The following B3GALT1 variants were observed in gnomAD, a reference collection of about 807,000 sequenced individuals.
B3GALT1 encodes the protein beta-1,3-galactosyltransferase 1, also known as UDP-Gal:betaGlcNAc beta 1,3-galactosyltransferase, polypeptide 1.
Under a neutral mutation model 23.2 loss-of-function variants are expected in B3GALT1, and 10 were observed. That is an observed-to-expected ratio of 0.43 (90% CI 0.27 to 0.73). The LOEUF is 0.73. Ranked by LOEUF, B3GALT1 falls within the 30% of genes least tolerant of loss-of-function variation. The pLI is 0.21. For synonymous variants in B3GALT1, 156 were observed against 141.5 expected, an observed-to-expected ratio of 1.10 and a Z score of -0.73; for missense variants, 299 against 405.4, an observed-to-expected ratio of 0.74 and a Z score of 2.25.
At chr2:167,633,241 T>G (rs1685482663) in intron 2 of B3GALT1, among the ~76,000 whole-genome samples, 1 of 151,890 alleles carries the variant, frequency 6.6e-6, no homozygotes, top group African/African-American at 2.4e-5. Context: ...ATTGTCAGAT[T>G]CACTGAGGTT....
chr2:167,381,053 C>A (rs73021710), intron 1 of B3GALT1, among the ~76,000 whole-genome samples: 3,086 of 152,120 alleles, frequency 0.02, 110 homozygotes, highest in African/African-American at 0.071. Context: ...AACAAAATAA[C>A]ACTTCTGGGT....
chr2:167,622,416 A>G (rs972204949), intron 2 of B3GALT1, among the ~76,000 whole-genome samples: 2 of 152,136 alleles, frequency 1.3e-5, no homozygotes, highest in African/African-American at 4.8e-5. Context: ...CAGTTTAAGC[A>G]TGAGGACAAA....
At chr2:167,696,920 T>C (rs537803213) in intron 3 of B3GALT1, among the ~76,000 whole-genome samples, 1 of 152,276 alleles carries the variant, frequency 6.6e-6, no homozygotes, top group African/African-American at 2.4e-5. Flanking sequence ...AAAACAGGTA[T>C]AGTGATTCCT....
chr2:167,752,354 T>G (rs578100782), intron 3 of B3GALT1, among the ~76,000 whole-genome samples: 9 of 152,320 alleles, frequency 5.9e-5, no homozygotes, highest in African/African-American at 2.2e-4. Context: ...GGAATTGCAG[T>G]GTACTTACAA....
intron 1 of B3GALT1, among the ~76,000 whole-genome samples, chr2:167,358,140 G>C (rs1697444003): frequency 6.6e-6 from 1 of 152,138 alleles, no homozygotes; most frequent in African/African-American, 2.4e-5. Flanking sequence ...TTAATTCTTG[G>C]AACCAGAGTT....
At chr2:167,662,944 T>TA (rs1279587068) in intron 3 of B3GALT1, among the ~76,000 whole-genome samples, 3 of 151,026 alleles carry the variant, frequency 2.0e-5, no homozygotes, top group Non-Finnish European at 4.4e-5. Flanking sequence ...TCTTTTTTTT[T>TA]ATTGTATTTT....
At chr2:167,364,971 G>T (rs1478385) in intron 1 of B3GALT1, among the ~76,000 whole-genome samples, 1 of 152,076 alleles carries the variant, frequency 6.6e-6, no homozygotes, top group Non-Finnish European at 1.5e-5. Flanking sequence ...ATGATTTATT[G>T]GTAGGTGGAC....
intron 2 of B3GALT1, among the ~76,000 whole-genome samples, chr2:167,568,382 C>T (rs933713361): frequency 2.0e-5 from 3 of 152,140 alleles, no homozygotes; most frequent in South Asian, 4.1e-4. Context: ...CTTATTGCTC[C>T]ATATCCTCAT....
At chr2:167,347,308 T>C (rs1697235631) in intron 1 of B3GALT1, among the ~76,000 whole-genome samples, 1 of 152,200 alleles carries the variant, frequency 6.6e-6, no homozygotes, top group African/African-American at 2.4e-5. Flanking sequence ...CCACTTGCAC[T>C]AGCTTAGAGC....
chr2:167,310,930 TG>T (rs1315392229), intron 1 of B3GALT1, among the ~76,000 whole-genome samples: 1 of 152,094 alleles, frequency 6.6e-6, no homozygotes, highest in African/African-American at 2.4e-5. Context: ...ATAAGGACAG[TG>T]GCAGAAACTA....
At chr2:167,387,411 C>T (rs1276324069) in intron 1 of B3GALT1, among the ~76,000 whole-genome samples, 5 of 151,976 alleles carry the variant, frequency 3.3e-5, no homozygotes, top group Admixed American at 1.3e-4. Context: ...GTAGAGGAGG[C>T]GATATGTTAT....
At chr2:167,792,149 G>C (rs566281320) in intron 3 of B3GALT1, among the ~76,000 whole-genome samples, 2 of 152,124 alleles carry the variant, frequency 1.3e-5, no homozygotes, top group East Asian at 3.9e-4. Flanking sequence ...CATGATACAG[G>C]TATTATTAAC....
intron 4 of B3GALT1, among the ~76,000 whole-genome samples, chr2:167,839,623 A>C (rs1326962420): frequency 6.6e-6 from 1 of 152,282 alleles, no homozygotes; most frequent in Admixed American, 6.5e-5. Flanking sequence ...TTTTAGATTC[A>C]ATGCCATCCC....
chr2:167,649,762 T>C (rs371433173), intron 3 of B3GALT1, among the ~76,000 whole-genome samples: 8 of 152,234 alleles, frequency 5.3e-5, no homozygotes, highest in African/African-American at 1.9e-4. Flanking sequence ...ATGTTGATCT[T>C]GTGTCCTACA....
At chr2:167,717,414 A>G (rs1036243989) in intron 3 of B3GALT1, among the ~76,000 whole-genome samples, 23 of 151,906 alleles carry the variant, frequency 1.5e-4, no homozygotes, top group Non-Finnish European at 2.8e-4. Context: ...AGCATTAGGT[A>G]TATCTCCTAA....
intron 1 of B3GALT1, among the ~76,000 whole-genome samples, chr2:167,442,808 T>C (rs917256476): frequency 9.5e-4 from 140 of 146,792 alleles, no homozygotes; most frequent in Middle Eastern, 7.0e-3. Flanking sequence ...GCGAAAATTT[T>C]CTTCCATTTT....
At chr2:167,677,997 A>G (rs1237207092) in intron 3 of B3GALT1, among the ~76,000 whole-genome samples, 5 of 152,188 alleles carry the variant, frequency 3.3e-5, no homozygotes, top group African/African-American at 9.6e-5. Flanking sequence ...ATCACCTTCC[A>G]GGAGGTCCCT....
chr2:167,688,161 GT>G (rs1207566358), intron 3 of B3GALT1, among the ~76,000 whole-genome samples: 6 of 152,044 alleles, frequency 3.9e-5, no homozygotes, highest in Non-Finnish European at 8.8e-5. Flanking sequence ...TCAGCTCTCA[GT>G]CCCATTTCTG....
chr2:167,612,870 T>C (rs1685092376), intron 2 of B3GALT1, among the ~76,000 whole-genome samples: 1 of 152,010 alleles, frequency 6.6e-6, no homozygotes. Flanking sequence ...GTTCATCTTA[T>C]TGAGAAAGCA....
Sources: allele counts gnomAD v4.1 joint callset (sites outside exome capture counted in the v4.1 genomes callset), GRCh38; gene constraint gnomAD v4.1.1; transcripts MANE v1.5; gene names NCBI Gene and HGNC (gene_info 2026-07-23, HGNC 2026-07-21).